COL24A1: variants seen among roughly 807,000 people sequenced by gnomAD.
COL24A1 encodes the protein collagen alpha-1(XXIV) chain.
Under a neutral mutation model 253.9 loss-of-function variants are expected in COL24A1, and 224 were observed. The observed-to-expected ratio is 0.88, with a 90% CI of 0.79 to 0.99. The LOEUF is 0.99. Among genes scored for constraint, COL24A1 ranks in the 50% least tolerant of loss-of-function variants. The probability of loss-of-function intolerance (pLI) is 0.00; values close to 1 mark genes in which losing one functional copy is unlikely to be tolerated. For missense variants in COL24A1, 2,131 were observed against 2,068.5 expected (o/e 1.03, Z -0.59); for synonymous variants, 685 against 673.7 (o/e 1.02, Z -0.26).
chr1:85,975,579 T>C (rs1292887894), intron 20 of COL24A1, among the ~76,000 whole-genome samples: 1 of 152,166 alleles, frequency 6.6e-6, no homozygotes, highest in Non-Finnish European at 1.5e-5. Flanking sequence ...CTCATGGAGA[T>C]AGAGAATAAA....
At chr1:85,879,654 T>C (rs1681598001) in intron 32 of COL24A1, among the ~76,000 whole-genome samples, 4 of 152,186 alleles carry the variant, frequency 2.6e-5, no homozygotes. Flanking sequence ...ATTTTATATG[T>C]TATATGTATT....
intron 4 of COL24A1, among the ~76,000 whole-genome samples, chr1:86,113,689 G>A (rs1453425021): frequency 6.6e-6 from 1 of 151,660 alleles, no homozygotes; most frequent in Admixed American, 6.6e-5. Flanking sequence ...AAAAAACTTT[G>A]CCAGGCATAG....
chr1:85,783,816 T>C (rs1669387105), intron 50 of COL24A1, among the ~76,000 whole-genome samples: 1 of 152,090 alleles, frequency 6.6e-6, no homozygotes, highest in Non-Finnish European at 1.5e-5. Flanking sequence ...ATTTAGGTAA[T>C]GGGTATAGGC....
intron 35 of COL24A1, among the ~76,000 whole-genome samples, chr1:85,869,503 C>T (rs770058369): frequency 6.6e-5 from 10 of 152,158 alleles, no homozygotes; most frequent in Non-Finnish European, 8.8e-5. Flanking sequence ...GATCTCTTGG[C>T]AGAAACTCTA....
In COL24A1 at chr1:85,781,273, C is replaced by G; in HGVS notation, c.4285G>C (p.Gly1429Arg). The change falls in exon 52 of 60, where the codon GGA becomes CGA. Residue 1429 changes from glycine to arginine, a missense_variant and splice_region_variant. Physicochemically the swap from Gly to Arg is moderately radical, Grantham distance 125 (BLOSUM62 -2). Coordinates refer to ENST00000370571, the MANE Select transcript of COL24A1 (RefSeq NM_152890.7). ...TCTCTGCCAAGGGGACCAGTGTTTC[C>G]CTGTTGAGGTAAAAGAAAAACAGTC... ...SGPKGPIGHR[G>R]NTGPLGREGI... 1 of 1,600,326 alleles carries G rather than the reference C, an allele frequency of 6.2e-7. No individual in the cohort carries two copies. Among genetic ancestry groups the G allele is most frequent in the South Asian group, 1.1e-5 (1 of 88,266 alleles).
At chr1:86,096,434 C>T (rs995195437) in intron 5 of COL24A1, among the ~76,000 whole-genome samples, 8 of 152,126 alleles carry the variant, frequency 5.3e-5, no homozygotes, top group African/African-American at 1.9e-4. Flanking sequence ...CTCAATTACA[C>T]TCTCCAACCA....
At chr1:85,913,688 T>C (rs1571195841) in intron 24 of COL24A1, among the ~76,000 whole-genome samples, 1 of 152,182 alleles carries the variant, frequency 6.6e-6, no homozygotes, top group Non-Finnish European at 1.5e-5. Flanking sequence ...AAATGGGACC[T>C]TCACAATGGA....
At chr1:85,869,870 G>A (rs1221437963) in intron 35 of COL24A1, among the ~76,000 whole-genome samples, 2 of 152,140 alleles carry the variant, frequency 1.3e-5, no homozygotes, top group South Asian at 2.1e-4. Context: ...ATGTAAATGG[G>A]CTAAATGCTC....
At chr1:86,042,232 AC>A (rs1176359248) in intron 12 of COL24A1, among the ~76,000 whole-genome samples, 1 of 152,188 alleles carries the variant, frequency 6.6e-6, no homozygotes, top group South Asian at 2.1e-4. Context: ...AAGAAAAAAA[AC>A]ATTTCGAATG....
chr1:85,734,693 T>C, intron 59 of COL24A1, 56 bp downstream of exon 59: 1 of 1,467,252 alleles, frequency 6.8e-7, no homozygotes, highest in Non-Finnish European at 9.5e-7. Flanking sequence ...AATTTTATGG[T>C]TTTATCAATT....
intron 42 of COL24A1, among the ~76,000 whole-genome samples, chr1:85,839,033 C>T (rs1310378919): frequency 6.6e-6 from 1 of 152,006 alleles, no homozygotes; most frequent in Admixed American, 6.6e-5. Context: ...GACCCTGTCT[C>T]TACAAATAAT....
chr1:86,055,392 C>T (rs192925993), intron 10 of COL24A1, among the ~76,000 whole-genome samples: 1 of 152,238 alleles, frequency 6.6e-6, no homozygotes, highest in East Asian at 1.9e-4. Flanking sequence ...AGTGTGAAAA[C>T]TTAACTAAAA....
At chr1:85,989,890 G>A (rs1379664472) in intron 19 of COL24A1, among the ~76,000 whole-genome samples, 1 of 151,984 alleles carries the variant, frequency 6.6e-6, no homozygotes, top group Admixed American at 6.6e-5. Flanking sequence ...TCCATACCTT[G>A]AATTAGGTTG....
intron 47 of COL24A1, among the ~76,000 whole-genome samples, chr1:85,809,200 G>A (rs546059617): frequency 9.3e-4 from 142 of 152,224 alleles, no homozygotes; most frequent in African/African-American, 3.3e-3. Flanking sequence ...TGTAATCTTG[G>A]CCACATGACT....
At chr1:85,764,228 C>A (rs1236048215) in intron 53 of COL24A1, among the ~76,000 whole-genome samples, 1 of 151,994 alleles carries the variant, frequency 6.6e-6, no homozygotes, top group African/African-American at 2.4e-5. Flanking sequence ...TCATTCTTTT[C>A]CCCCAATTGT....
chr1:85,820,751 T>C (rs1673536866), intron 45 of COL24A1, among the ~76,000 whole-genome samples: 1 of 152,200 alleles, frequency 6.6e-6, no homozygotes, highest in African/African-American at 2.4e-5. Flanking sequence ...GTGCTTTCTT[T>C]TTGCCTGGCC....
intron 12 of COL24A1, among the ~76,000 whole-genome samples, chr1:86,036,998 A>G (rs61800725): frequency 0.24 from 36,677 of 152,114 alleles, 4,679 homozygotes; most frequent in Middle Eastern, 0.44. Context: ...CCAGTTTCAC[A>G]AATGTTAACT....
intron 28 of COL24A1, among the ~76,000 whole-genome samples, chr1:85,903,650 C>A (rs1684536283): frequency 6.6e-6 from 1 of 152,034 alleles, no homozygotes; most frequent in Non-Finnish European, 1.5e-5. Flanking sequence ...GTTCTCATAG[C>A]AGAAATAAAA....
At chr1:86,043,133 T>C (rs1177223847) in intron 12 of COL24A1, among the ~76,000 whole-genome samples, 2 of 152,146 alleles carry the variant, frequency 1.3e-5, no homozygotes, top group East Asian at 3.8e-4. Context: ...AATCTAAGTA[T>C]AAAATGTTAA....
Sources: allele counts gnomAD v4.1 joint callset (sites outside exome capture counted in the v4.1 genomes callset), GRCh38; gene constraint gnomAD v4.1.1; transcripts MANE v1.5; gene names NCBI Gene and HGNC (gene_info 2026-07-23, HGNC 2026-07-21).